Variants in EML6 observed in about 807,000 individuals in gnomAD.
EML6 encodes EMAP like 6, also known as echinoderm microtubule-associated protein-like 6.
Under a neutral mutation model 240.1 loss-of-function variants are expected in EML6, and 154 were observed. The ratio of observed to expected loss-of-function variants is 0.64; its 90% CI spans 0.56 to 0.73. The LOEUF is 0.73. Ranked by LOEUF, EML6 falls within the 30% of genes least tolerant of loss-of-function variation. EML6 has a pLI of 0.00. For synonymous variants in EML6, 1,148 were observed against 899.0 expected, an observed-to-expected ratio of 1.28 and a Z score of -4.95; for missense variants, 2,964 against 2,474.6, an observed-to-expected ratio of 1.20 and a Z score of -4.20.
intron 38 of EML6, among the ~76,000 whole-genome samples, chr2:54,965,956 C>T (rs2104552238): frequency 6.6e-6 from 1 of 152,316 alleles, no homozygotes; most frequent in Non-Finnish European, 1.5e-5. Context: ...TAAACTTTCT[C>T]CCAAAGTTAG....
intron 12 of EML6, 28 bp downstream of exon 12, chr2:54,859,729 C>T (rs1670576634): frequency 6.6e-7 from 1 of 1,507,780 alleles, no homozygotes; most frequent in Non-Finnish European, 8.9e-7. Flanking sequence ...TTCTTAACAT[C>T]ATTTTATTTT....
chr2:54,935,789 T>C (rs1480126201), intron 28 of EML6, among the ~76,000 whole-genome samples: 4 of 152,222 alleles, frequency 2.6e-5, no homozygotes, highest in Non-Finnish European at 5.9e-5. Flanking sequence ...GGTGGGAGGA[T>C]AACTTGAATC....
intron 2 of EML6, among the ~76,000 whole-genome samples, chr2:54,752,756 T>C (rs934630246): frequency 6.6e-6 from 1 of 152,244 alleles, no homozygotes; most frequent in African/African-American, 2.4e-5. Context: ...ATTTGGGTTG[T>C]TTTCACTTTG....
Position 54,894,972 on chromosome 2 carries a change from A to G in EML6, c.2800A>G (p.Arg934Gly). The change falls in exon 20 of 42, where the codon AGA becomes GGA. Residue 934 changes from arginine to glycine, a missense_variant. Arg to Gly is a moderately radical substitution (Grantham distance 125). Transcript: ENST00000356458. The stretch of plus-strand genomic sequence containing the variant: ...GGAGCTCTGGGATGATATGTTTGAA[A>G]GATGTTTGAAGACTTATGCCATTAA... ...IVELWDDMFE[R>G]CLKTYAIKRS... 5 of 1,551,514 alleles carry G rather than the reference A, an allele frequency of 3.2e-6. No homozygotes were observed. Among genetic ancestry groups the G allele is most frequent in the Non-Finnish European group, 3.5e-6 (4 of 1,146,786 alleles).
intron 2 of EML6, among the ~76,000 whole-genome samples, chr2:54,753,084 GT>G (rs1342780491): frequency 1.3e-5 from 2 of 152,218 alleles, no homozygotes; most frequent in African/African-American, 4.8e-5. Flanking sequence ...GCATGCACAT[GT>G]TTAGCCTTAA....
chr2:54,803,825 CTG>C (rs560600072), intron 2 of EML6, among the ~76,000 whole-genome samples: 1 of 152,154 alleles, frequency 6.6e-6, no homozygotes, highest in East Asian at 1.9e-4. Flanking sequence ...GTGTTAGCTC[CTG>C]TGTGTGTGAA....
intron 16 of EML6, 64 bp from the exon 17 acceptor site, chr2:54,879,483 C>A: frequency 3.0e-6 from 3 of 1,011,172 alleles, no homozygotes; most frequent in Non-Finnish European, 1.5e-6. Flanking sequence ...TTCCTCTTTA[C>A]AGTGTATGAA....
rs1366693825 is a variant in EML6, at chr2:54,903,353, C to G, written c.3278-18C>G. On this transcript the variant is annotated intron_variant, in intron 23 of 41. Coordinates refer to ENST00000356458, the MANE Select transcript of EML6 (RefSeq NM_001039753.4). ...TATATAAAATGCTTCGATGTTAACC[C>G]CACATTTTTCTTAACAGATACGGGA... 2.6e-6 allele frequency: 4 copies of G among 1,549,548 alleles called. No individual in the cohort carries two copies. Among genetic ancestry groups the G allele is most frequent in the African/African-American group, 2.7e-5 (2 of 72,914 alleles).
At chr2:54,785,481 C>T (rs1669041250) in intron 2 of EML6, among the ~76,000 whole-genome samples, 3 of 152,138 alleles carry the variant, frequency 2.0e-5, no homozygotes, top group Admixed American at 6.5e-5. Flanking sequence ...CTGTGCCTGG[C>T]CCCCATGGCC....
intron 11 of EML6, among the ~76,000 whole-genome samples, 186 bp downstream of exon 11, chr2:54,854,041 T>A (rs1011030943): frequency 6.6e-5 from 10 of 152,252 alleles, no homozygotes; most frequent in Non-Finnish European, 1.2e-4. Context: ...TCTTAAGATA[T>A]GTGGTTTTGC....
intron 12 of EML6, 97 bp downstream of exon 12, chr2:54,859,798 A>G (rs1340262870): frequency 6.8e-6 from 7 of 1,022,022 alleles, no homozygotes; most frequent in Middle Eastern, 2.5e-4. Context: ...GATTTAAGCA[A>G]TTTTGGAAAA....
intron 7 of EML6, among the ~76,000 whole-genome samples, chr2:54,830,011 G>A (rs1192602630): frequency 6.6e-6 from 1 of 152,152 alleles, no homozygotes; most frequent in Non-Finnish European, 1.5e-5. Context: ...GATAATACTA[G>A]CACCAGCCTC....
At chr2:54,844,303 C>A in intron 8 of EML6, 55 bp downstream of exon 8, 1 of 1,392,286 alleles carries the variant, frequency 7.2e-7, no homozygotes. Context: ...TTTATTTGCC[C>A]AAATTTGCTT....
chr2:54,842,004 C>T (rs1669485432), intron 7 of EML6, among the ~76,000 whole-genome samples: 1 of 152,150 alleles, frequency 6.6e-6, no homozygotes, highest in African/African-American at 2.4e-5. Flanking sequence ...ACATACATAG[C>T]TTCCCTCACT....
intron 32 of EML6, among the ~76,000 whole-genome samples, chr2:54,955,894 T>G (rs1676210104): frequency 6.6e-6 from 1 of 152,226 alleles, no homozygotes; most frequent in South Asian, 2.1e-4. Context: ...AGTGTGGGTT[T>G]GCCTTCATTT....
At chr2:54,879,664 G>A (rs776181225) in intron 17 of EML6, 24 bp downstream of exon 17, 32 of 1,374,656 alleles carry the variant, frequency 2.3e-5, no homozygotes, top group African/African-American at 1.9e-4. Context: ...GGGATCTTAC[G>A]GTATCCTGCT....
At chr2:54,931,374 A>G (rs1674855600) in intron 28 of EML6, among the ~76,000 whole-genome samples, 1 of 152,164 alleles carries the variant, frequency 6.6e-6, no homozygotes, top group Non-Finnish European at 1.5e-5. Context: ...AAGATGTTAA[A>G]CAGCATATCT....
chr2:54,955,936 T>G (rs116339471), intron 32 of EML6, among the ~76,000 whole-genome samples: 2 of 152,206 alleles, frequency 1.3e-5, no homozygotes, highest in African/African-American at 4.8e-5. Flanking sequence ...TAGCATGTGT[T>G]TGGGGAGGTT....
At chr2:54,803,896 C>G (rs889599846) in intron 2 of EML6, among the ~76,000 whole-genome samples, 2 of 152,228 alleles carry the variant, frequency 1.3e-5, no homozygotes, top group African/African-American at 4.8e-5. Flanking sequence ...CGGGCACCAT[C>G]TGAGATGTTT....
Sources: allele counts gnomAD v4.1 joint callset (sites outside exome capture counted in the v4.1 genomes callset), GRCh38; gene constraint gnomAD v4.1.1; transcripts MANE v1.5; gene names NCBI Gene and HGNC (gene_info 2026-07-23, HGNC 2026-07-21).